The following ELF1 variants were observed in gnomAD, a reference collection of about 807,000 sequenced individuals.
The protein encoded by ELF1 is ETS-related transcription factor Elf-1.
A neutral mutation model predicts 59.9 loss-of-function variants in ELF1; 24 were observed. The ratio of observed to expected loss-of-function variants is 0.40; its 90% CI spans 0.29 to 0.56. ELF1 has a LOEUF of 0.56. Among genes scored for constraint, ELF1 ranks in the 20% least tolerant of loss-of-function variants. The probability of loss-of-function intolerance (pLI) is 0.44; values close to 1 mark genes in which losing one functional copy is unlikely to be tolerated. For synonymous variants in ELF1, 248 were observed against 266.2 expected, an observed-to-expected ratio of 0.93 and a Z score of 0.67; for missense variants, 627 against 742.2, an observed-to-expected ratio of 0.84 and a Z score of 1.80.
intron 5 of ELF1, among the ~76,000 whole-genome samples, chr13:40,945,652 A>G (rs1870457858): frequency 6.6e-6 from 1 of 152,088 alleles, no homozygotes; most frequent in Non-Finnish European, 1.5e-5. Flanking sequence ...TCTCTTGAAT[A>G]TTGTCTCTTC....
chr13:40,940,386 G>GA (rs375400990), intron 8 of ELF1, among the ~76,000 whole-genome samples: 1,274 of 109,468 alleles, frequency 0.012, 101 homozygotes, highest in East Asian at 0.016. Context: ...TGATTTAACT[G>GA]AAAAAAAAAA....
At chr13:41,019,447 G>A (rs1012916066), upstream of ELF1, 40 of 976,002 alleles carry the variant, frequency 4.1e-5, no homozygotes, top group South Asian at 4.7e-4. Flanking sequence ...AGGTAAAAAC[G>A]GTATAGGAAA....
chr13:40,959,871 G>A (rs1183039005), intron 2 of ELF1, among the ~76,000 whole-genome samples: 2 of 152,152 alleles, frequency 1.3e-5, no homozygotes, highest in Non-Finnish European at 2.9e-5. Flanking sequence ...CTGACCCAGA[G>A]AGGGTTTTTA....
At chr13:40,954,967 G>A (rs1181621248) in intron 3 of ELF1, among the ~76,000 whole-genome samples, 7 of 143,922 alleles carry the variant, frequency 4.9e-5, no homozygotes, top group Admixed American at 6.9e-5. Context: ...AGTGAGGAGC[G>A]TCTCTGCCCG....
chr13:40,939,279 C>T (rs1216618778), intron 8 of ELF1, among the ~76,000 whole-genome samples: 1 of 152,186 alleles, frequency 6.6e-6, no homozygotes, highest in Non-Finnish European at 1.5e-5. Context: ...TGTCATTACA[C>T]TCCAGCCTAG....
intron 1 of ELF1, among the ~76,000 whole-genome samples, chr13:41,051,470 G>T (rs1476115905): frequency 2.0e-5 from 3 of 151,946 alleles, no homozygotes; most frequent in Admixed American, 2.0e-4. Context: ...ACAGACGTTT[G>T]AACAGCTGAG....
intron 1 of ELF1, among the ~76,000 whole-genome samples, chr13:41,035,537 C>T (rs1876338744): frequency 6.6e-6 from 1 of 151,984 alleles, no homozygotes; most frequent in Non-Finnish European, 1.5e-5. Flanking sequence ...CTCTGAACAG[C>T]TGGGTTAGGA....
chr13:40,977,786 T>C (rs376666773), intron 2 of ELF1, among the ~76,000 whole-genome samples: 6 of 152,126 alleles, frequency 3.9e-5, no homozygotes, highest in East Asian at 1.9e-4. Context: ...GGATATCCTA[T>C]CGGATATCAA....
At chr13:40,948,842 A>G (rs1870664505) in intron 5 of ELF1, among the ~76,000 whole-genome samples, 1 of 152,204 alleles carries the variant, frequency 6.6e-6, no homozygotes, top group Non-Finnish European at 1.5e-5. Flanking sequence ...GGAGGCTTTC[A>G]AACAATAACC....
At chr13:41,044,431 GT>G (rs1876754675) in intron 1 of ELF1, among the ~76,000 whole-genome samples, 1 of 152,150 alleles carries the variant, frequency 6.6e-6, no homozygotes, top group South Asian at 2.1e-4. Flanking sequence ...CTGTGGGTTT[GT>G]CATAAATAGC....
chr13:40,993,546 T>A (rs1200463537), intron 1 of ELF1, among the ~76,000 whole-genome samples: 3 of 152,316 alleles, frequency 2.0e-5, no homozygotes, highest in African/African-American at 7.2e-5. Flanking sequence ...AGTGGCATGA[T>A]CCTTGCTCAC....
In ELF1 at chr13:40,943,890, C is replaced by T; in HGVS notation, c.565G>A (p.Ala189Thr). The change falls in exon 6 of 9, where the codon GCC becomes ACC. Residue 189 changes from alanine (A) to threonine (T), a missense_variant. By Grantham distance (58) the Ala-to-Thr change is moderately conservative (BLOSUM62 0). Coordinates refer to ENST00000239882, the MANE Select transcript of ELF1 (RefSeq NM_172373.4). ...TTCACAGATATATTTGGCGTAGTGGCTGGGGAATCTGGTCGTGGTGGTTTA... is the reference window on the plus strand; with the variant it reads ...TTCACAGATATATTTGGCGTAGTGGTTGGGGAATCTGGTCGTGGTGGTTTA... ...KTKPPRPDSP[A>T]TTPNISVKKK... The T allele has an allele frequency of 6.2e-7, 1 of 1,613,702 alleles. No individual in the cohort carries two copies. Among genetic ancestry groups the T allele is most frequent in the Non-Finnish European group, 8.5e-7 (1 of 1,179,774 alleles).
At chr13:41,029,505 C>G (rs1876079820) in intron 1 of ELF1, among the ~76,000 whole-genome samples, 1 of 152,244 alleles carries the variant, frequency 6.6e-6, no homozygotes, top group East Asian at 1.9e-4. Context: ...CCTCAGCCTC[C>G]CGAGTAGCTG....
chr13:40,943,708 G>C, intron 6 of ELF1, 134 bp downstream of exon 6: 1 of 624,498 alleles, frequency 1.6e-6, no homozygotes, highest in Non-Finnish European at 2.5e-6. Flanking sequence ...TTTGGCAAAT[G>C]TATCTAATAA....
chr13:40,985,393 G>A (rs1208981748), intron 1 of ELF1, among the ~76,000 whole-genome samples: 1 of 152,078 alleles, frequency 6.6e-6, no homozygotes, highest in Admixed American at 6.5e-5. Context: ...AGTAAATTGG[G>A]GTGGTCAAGT....
chr13:40,937,573 G>A (rs1433717953), intron 8 of ELF1, among the ~76,000 whole-genome samples: 4 of 152,010 alleles, frequency 2.6e-5, no homozygotes, highest in African/African-American at 7.2e-5. Flanking sequence ...AGGTTCAAGC[G>A]ATTCTTCTGC....
chr13:40,979,940 C>T (rs1359589446), intron 2 of ELF1, among the ~76,000 whole-genome samples: 4 of 152,040 alleles, frequency 2.6e-5, no homozygotes, highest in Non-Finnish European at 1.5e-5. Flanking sequence ...TATTGCTTTT[C>T]CATTAAAAAC....
intron 8 of ELF1, among the ~76,000 whole-genome samples, chr13:40,939,119 T>TTG (rs2138118179): frequency 6.6e-6 from 1 of 152,012 alleles, no homozygotes; most frequent in Non-Finnish European, 1.5e-5. Context: ...GATTGCTTGG[T>TTG]TGGTCTTGGT....
rs1212179560 is a variant in ELF1, at chr13:40,958,883, G to A, written c.206C>T (p.Ala69Val). The change falls in exon 3 of 9, where the codon GCT (alanine) becomes GTT (valine). Residue 69 changes from alanine (A) to valine (V), a missense_variant. Ala to Val is a moderately conservative substitution (Grantham distance 64, BLOSUM62 0). Coordinates refer to ENST00000239882, the MANE Select transcript of ELF1 (RefSeq NM_172373.4). ...DMITESSLDV[A>V]EEEIIDDDDD... ...ATCATCGTCTATGATTTCTTCTTCA[G>A]CAACATCCAGTGAACTCTCAGTAAT... is the stretch of plus-strand genomic sequence containing the variant. 1 of 1,613,612 alleles carries A rather than the reference G, an allele frequency of 6.2e-7. No individual in the cohort carries two copies. The highest frequency in any genetic ancestry group is 1.3e-5 in the African/African-American group (1 of 74,884).
Sources: allele counts gnomAD v4.1 joint callset (sites outside exome capture counted in the v4.1 genomes callset), GRCh38; gene constraint gnomAD v4.1.1; transcripts MANE v1.5; gene names NCBI Gene and HGNC (gene_info 2026-07-23, HGNC 2026-07-21).